Variants in KIAA0408 observed in about 807,000 individuals in gnomAD.
The protein encoded by KIAA0408 is KIAA0408, also known as uncharacterized protein KIAA0408.
A neutral mutation model predicts 60.9 loss-of-function variants in KIAA0408; 51 were observed. That is an observed-to-expected ratio of 0.84 (90% CI 0.67 to 1.06). KIAA0408 has a LOEUF of 1.06. Ranked by LOEUF, KIAA0408 falls within the 50% of genes least tolerant of loss-of-function variation. The pLI, the probability that KIAA0408 is intolerant of heterozygous loss-of-function variation, is 0.00. For synonymous variants in KIAA0408, 304 were observed against 282.4 expected (o/e 1.08, Z -0.77); for missense variants, 787 against 833.9 (o/e 0.94, Z 0.69).
At position 127,444,431 on chromosome 6, in the gene KIAA0408, T is replaced by C. The variant is rs554333617; in HGVS notation, c.1912-149A>G. The C allele has an allele frequency of 9.8e-6, 6 of 611,360 alleles. No homozygotes were observed. In the East Asian group the frequency reaches 1.9e-4, roughly 20 times the overall value. 37.9% of individuals were successfully genotyped at this position (611,360 alleles called of 1,614,324 possible). A position where few individuals can be genotyped will look rare whatever the true frequency, so the allele number is the denominator to read the frequency against. On this transcript the variant is annotated intron_variant, in intron 5 of 5. Transcript: ENST00000483725. The stretch of plus-strand genomic sequence containing the variant: ...ACTAAAGAAGGTAGTTGTCTAATAT[T>C]TGTGGTTTTGAATGTTTTAAAGCAA...
At chr6:127,453,699 G>T in intron 2 of KIAA0408, 148 bp downstream of exon 2, 2 of 974,666 alleles carry the variant, frequency 2.1e-6, no homozygotes, top group Non-Finnish European at 2.9e-6. Flanking sequence ...ATAAGATTAT[G>T]CTATTTTTGT....
chr6:127,446,114 T>G (rs1773188153), intron 5 of KIAA0408, among the ~76,000 whole-genome samples: 1 of 152,208 alleles, frequency 6.6e-6, no homozygotes, highest in African/African-American at 2.4e-5. Context: ...ATTCTGAGTA[T>G]TTTTTCAAGA....
chr6:127,448,509 T>G (rs1001777372), intron 4 of KIAA0408, among the ~76,000 whole-genome samples: 1 of 152,214 alleles, frequency 6.6e-6, no homozygotes, highest in Non-Finnish European at 1.5e-5. Flanking sequence ...GAACATTATA[T>G]TAGGTGTGAT....
intron 1 of KIAA0408, among the ~76,000 whole-genome samples, chr6:127,456,697 C>T (rs1773399316): frequency 6.6e-6 from 1 of 152,030 alleles, no homozygotes; most frequent in African/African-American, 2.4e-5. Context: ...AAGGATTTGG[C>T]CTTCTTAGCA....
chr6:127,445,133 T>C lies in KIAA0408; in HGVS notation c.1912-851A>G, dbSNP rs371980958. Among the ~76,000 whole-genome samples the C allele has an allele frequency of 7.9e-5, 12 of 152,298 alleles. No homozygotes were observed. The East Asian group carries it at 2.3e-3, about 29-fold the overall frequency. On this transcript the variant is annotated intron_variant, in intron 5 of 5. Transcript: ENST00000483725. ...TTTTAGCCATGGTCTGACAGTAAACTGCAGTTTCTTTTTCTTTTTGGAGAC... is the reference window on the plus strand; with the variant it reads ...TTTTAGCCATGGTCTGACAGTAAACCGCAGTTTCTTTTTCTTTTTGGAGAC...
In KIAA0408 at chr6:127,446,461, CA is replaced by C. The variant is rs769230443; in HGVS notation, c.1857del (p.Val620CysfsTer7). 6.8e-6 allele frequency: 11 copies of C among 1,613,856 alleles called. No individual in the cohort carries two copies. The highest frequency in any genetic ancestry group is 9.3e-6 in the Non-Finnish European group (11 of 1,179,876). On this transcript the variant is annotated frameshift_variant, in exon 5 of 6. Transcript: ENST00000483725. LOFTEE classifies it high-confidence loss of function. ...QMEQQFQQKT[A>X]VWGGQEVKQG... Reference sequence around the variant, plus strand: ...TGCTTCACTTCCTGTCCCCCCCACACAGCTGTCTTTTGCTGAAACTGTTGTT... The same window carrying C: ...TGCTTCACTTCCTGTCCCCCCCACACGCTGTCTTTTGCTGAAACTGTTGTT...
In KIAA0408 at chr6:127,444,183, A is replaced by G; in HGVS notation, c.2011T>C (p.Ser671Pro). 6.2e-7 allele frequency: 1 copy of G among 1,613,824 alleles called. No individual in the cohort carries two copies. The highest frequency in any genetic ancestry group is 8.5e-7 in the Non-Finnish European group (1 of 1,179,896). The part of the protein sequence containing the change: ...LPSRWASRSP[S>P]APPALRRTTH... The stretch of plus-strand genomic sequence containing the variant: ...GTTCTCCGCAAGGCAGGGGGTGCAG[A>G]TGGAGATCTGGATGCCCATCTGGAG... Residue 671 changes from serine to proline, a missense_variant, in exon 6 of 6, where the codon TCT (serine) becomes CCT (proline). Ser to Pro is a moderately conservative substitution (Grantham distance 74). This residue lies in a region of KIAA0408 where 133 missense variants were observed against 119.2 expected (regional missense o/e 1.12). Coordinates refer to ENST00000483725, the MANE Select transcript of KIAA0408 (RefSeq NM_014702.5).
chr6:127,449,439 C>T (rs375203839), intron 4 of KIAA0408, among the ~76,000 whole-genome samples: 279 of 152,166 alleles, frequency 1.8e-3, no homozygotes, highest in African/African-American at 6.6e-3. Context: ...TATTTGAGGT[C>T]AGGAGTTCGA....
intron 1 of KIAA0408, among the ~76,000 whole-genome samples, chr6:127,455,498 T>C (rs1377511084): frequency 6.6e-6 from 1 of 152,192 alleles, no homozygotes; most frequent in Non-Finnish European, 1.5e-5. Flanking sequence ...CAGTTTTGAA[T>C]CTGTATTTTT....
chr6:127,446,450 T>TC lies in KIAA0408; in HGVS notation c.1868dup (p.Gln624ThrfsTer32), dbSNP rs756183532. 2.4e-4 allele frequency: 388 copies of TC among 1,612,866 alleles called. No individual in the cohort carries two copies. Among genetic ancestry groups the TC allele is most frequent in the Middle Eastern group, 9.9e-4 (6 of 6,058 alleles). ...GATCTATTCCTTGCTTCACTTCCTGTCCCCCCCACACAGCTGTCTTTTGCT... is the reference window on the plus strand; with the variant it reads ...GATCTATTCCTTGCTTCACTTCCTGTCCCCCCCCACACAGCTGTCTTTTGCT... On this transcript the variant is annotated frameshift_variant, in exon 5 of 6. Transcript: ENST00000483725. LOFTEE classifies it high-confidence loss of function.
At chr6:127,449,594 G>C (rs1359860746) in intron 4 of KIAA0408, among the ~76,000 whole-genome samples, 1 of 152,156 alleles carries the variant, frequency 6.6e-6, no homozygotes, top group African/African-American at 2.4e-5. Context: ...AGAGGCTGCA[G>C]TGAGCCAAGA....
At chr6:127,457,947 T>C (rs1246532738) in intron 1 of KIAA0408, among the ~76,000 whole-genome samples, 1 of 152,246 alleles carries the variant, frequency 6.6e-6, no homozygotes, top group Non-Finnish European at 1.5e-5. Flanking sequence ...TCTTTTTAGA[T>C]TATTGTTTAG....
intron 4 of KIAA0408, among the ~76,000 whole-genome samples, chr6:127,448,785 C>A (rs768645649): frequency 3.7e-4 from 56 of 152,070 alleles, no homozygotes; most frequent in Non-Finnish European, 6.0e-4. Flanking sequence ...CACAAAAATT[C>A]TTTCTGAGCT....
chr6:127,456,956 T>G (rs1222268055), intron 1 of KIAA0408, among the ~76,000 whole-genome samples: 2 of 152,070 alleles, frequency 1.3e-5, no homozygotes, highest in Non-Finnish European at 2.9e-5. Context: ...CTTTCCTCCC[T>G]CCTTCCCTTT....
At chr6:127,455,979 G>C (rs373858443) in intron 1 of KIAA0408, among the ~76,000 whole-genome samples, 23 of 152,230 alleles carry the variant, frequency 1.5e-4, no homozygotes, top group East Asian at 5.8e-4. Context: ...TGAATACCTA[G>C]TAATCTTTTA....
intron 4 of KIAA0408, among the ~76,000 whole-genome samples, chr6:127,448,484 A>T (rs1042842594): frequency 1.3e-5 from 2 of 152,192 alleles, no homozygotes; most frequent in African/African-American, 4.8e-5. Flanking sequence ...TCTAAAGTCC[A>T]TGGGGTGACA....
In KIAA0408 at chr6:127,453,898, T is replaced by G. The variant is rs1562372318; in HGVS notation, c.84A>C (p.Glu28Asp). Residue 28 changes from glutamate to aspartate, a missense_variant, in exon 2 of 6, where the codon GAA (glutamate) becomes GAC (aspartate). Glu to Asp is a conservative substitution (Grantham distance 45). Coordinates refer to ENST00000483725, the MANE Select transcript of KIAA0408 (RefSeq NM_014702.5). ...KMELLDQFDNERKEWESQWKI... is the reference protein window; with the variant it reads ...KMELLDQFDNDRKEWESQWKI... The stretch of plus-strand genomic sequence containing the variant: ...TCCATTGACTTTCCCATTCCTTTCT[T>G]TCATTGTCAAACTGGTCCAGTAATT... The G allele has an allele frequency of 6.2e-7, 1 of 1,613,060 alleles. No homozygotes were observed. Among genetic ancestry groups the G allele is most frequent in the Non-Finnish European group, 8.5e-7 (1 of 1,179,244 alleles).
At chr6:127,456,926 C>T (rs1773406136) in intron 1 of KIAA0408, among the ~76,000 whole-genome samples, 1 of 151,824 alleles carries the variant, frequency 6.6e-6, no homozygotes, top group Admixed American at 6.6e-5. Flanking sequence ...GTCCTTTGTT[C>T]CCTCCCTTCC....
In KIAA0408 at chr6:127,447,815, A is replaced by C. The variant is rs1773231265; in HGVS notation, c.579-75T>G. The C allele has an allele frequency of 6.2e-6, 9 of 1,454,648 alleles. No individual in the cohort carries two copies. In the Admixed American group the frequency reaches 2.3e-4, roughly 38 times the overall value. The allele number at this position is 1,454,648 out of a possible 1,614,324, so 90.1% of individuals were successfully genotyped here. On this transcript the variant is annotated intron_variant, in intron 4 of 5. Coordinates refer to ENST00000483725, the MANE Select transcript of KIAA0408 (RefSeq NM_014702.5). ...AGCTCTCAAAAGCAAACATAGCTAA[A>C]GCAATGAGTTTCTGCTATAAGAAAA...
Sources: allele counts gnomAD v4.1 joint callset (sites outside exome capture counted in the v4.1 genomes callset), GRCh38; gene constraint gnomAD v4.1.1; regional missense constraint gnomAD v4.1.1; transcripts MANE v1.5; gene names NCBI Gene and HGNC (gene_info 2026-07-23, HGNC 2026-07-21).